AGBL4: variants seen among roughly 807,000 people sequenced by gnomAD.
The protein encoded by AGBL4 is AGBL carboxypeptidase 4, also known as cytosolic carboxypeptidase 6.
Under a neutral mutation model 66.4 loss-of-function variants are expected in AGBL4, and 58 were observed. That is an observed-to-expected ratio of 0.87 (90% CI 0.71 to 1.09). The LOEUF is 1.09. Ranked by LOEUF, AGBL4 falls within the 50% of genes least tolerant of loss-of-function variation. The pLI is 0.00. For missense variants in AGBL4, 579 were observed against 631.0 expected, an observed-to-expected ratio of 0.92 and a Z score of 0.88; for synonymous variants, 234 against 222.9, an observed-to-expected ratio of 1.05 and a Z score of -0.44.
intron 3 of AGBL4, among the ~76,000 whole-genome samples, chr1:49,252,351 G>T (rs1177472611): frequency 6.6e-6 from 1 of 151,852 alleles, no homozygotes; most frequent in African/African-American, 2.4e-5. Context: ...AGGCGGACAA[G>T]AATAGAGAAA....
chr1:49,635,453 A>C (rs1645653286), intron 3 of AGBL4, among the ~76,000 whole-genome samples: 1 of 152,100 alleles, frequency 6.6e-6, no homozygotes, highest in African/African-American at 2.4e-5. Flanking sequence ...TTAAAGAATA[A>C]AAAACAAGCC....
At chr1:49,274,034 T>C (rs1381610973) in intron 3 of AGBL4, among the ~76,000 whole-genome samples, 1 of 152,142 alleles carries the variant, frequency 6.6e-6, no homozygotes, top group Non-Finnish European at 1.5e-5. Flanking sequence ...GAGAGACAGA[T>C]TTAGTTTGCC....
intron 2 of AGBL4, among the ~76,000 whole-genome samples, chr1:49,765,132 A>AC (rs1486887843): frequency 6.6e-6 from 1 of 151,518 alleles, no homozygotes; most frequent in East Asian, 1.9e-4. Context: ...GTGTCCCTCC[A>AC]CCCCCCATGG....
chr1:48,592,046 T>C (rs1033732512), intron 9 of AGBL4, among the ~76,000 whole-genome samples: 6 of 152,208 alleles, frequency 3.9e-5, no homozygotes, highest in Non-Finnish European at 7.3e-5. Flanking sequence ...GATCTTCAAT[T>C]GCCCTCAAAT....
chr1:49,951,952 C>T (rs900941182), intron 1 of AGBL4, among the ~76,000 whole-genome samples: 3 of 151,082 alleles, frequency 2.0e-5, no homozygotes, highest in African/African-American at 4.9e-5. Context: ...AAGGAAGAAG[C>T]GAGGGAAGGA....
chr1:49,875,454 A>G (rs201753225), intron 1 of AGBL4, among the ~76,000 whole-genome samples: 1 of 141,326 alleles, frequency 7.1e-6, no homozygotes, highest in East Asian at 2.1e-4. Flanking sequence ...ATGGTTTCCA[A>G]TTTCATCCAT....
chr1:48,881,951 CA>C (rs2148843840), intron 5 of AGBL4, among the ~76,000 whole-genome samples: 1 of 152,280 alleles, frequency 6.6e-6, no homozygotes, highest in South Asian at 2.1e-4. Context: ...GCCTCATGTT[CA>C]AAAGGAGTTC....
chr1:49,263,370 A>T (rs1207187522), intron 3 of AGBL4, among the ~76,000 whole-genome samples: 6 of 151,990 alleles, frequency 3.9e-5, no homozygotes, highest in African/African-American at 7.3e-5. Flanking sequence ...AAAAAAAGAT[A>T]AAAAAATAGA....
chr1:49,662,017 A>C (rs1485645443), intron 3 of AGBL4, among the ~76,000 whole-genome samples: 1 of 152,010 alleles, frequency 6.6e-6, no homozygotes, highest in Non-Finnish European at 1.5e-5. Flanking sequence ...GTAACAACAA[A>C]AATAAATCTC....
intron 4 of AGBL4, among the ~76,000 whole-genome samples, chr1:49,081,722 A>G (rs979865572): frequency 2.0e-5 from 3 of 152,144 alleles, no homozygotes; most frequent in Non-Finnish European, 4.4e-5. Context: ...CCATCCCCCA[A>G]ATGTGTTTTT....
chr1:49,913,247 C>A (rs1351989955), intron 1 of AGBL4, among the ~76,000 whole-genome samples: 2 of 152,168 alleles, frequency 1.3e-5, no homozygotes, highest in African/African-American at 4.8e-5. Flanking sequence ...CAAATCGAAG[C>A]AAGTTATCTA....
chr1:49,742,634 C>T (rs1361600797), intron 2 of AGBL4, among the ~76,000 whole-genome samples: 6 of 152,138 alleles, frequency 3.9e-5, no homozygotes, highest in African/African-American at 1.4e-4. Context: ...AAGCATCACG[C>T]TACCTGACTT....
At chr1:49,115,074 A>G (rs1220645105) in intron 4 of AGBL4, among the ~76,000 whole-genome samples, 1 of 152,214 alleles carries the variant, frequency 6.6e-6, no homozygotes, top group Non-Finnish European at 1.5e-5. Flanking sequence ...AAATAAAAAC[A>G]AAAAACCAAC....
At chr1:49,407,065 CAAAAAAAAAAAAAAAA>C (rs57974289) in intron 3 of AGBL4, among the ~76,000 whole-genome samples, 80 of 25,928 alleles carry the variant, frequency 3.1e-3, no homozygotes, top group African/African-American at 9.1e-3. Context: ...ACTCTGCCTC[CAAAAAAAAAAAAAAAA>C]AAAAAAAAAA....
chr1:49,968,898 C>T (rs1657805703), intron 1 of AGBL4, among the ~76,000 whole-genome samples: 1 of 152,206 alleles, frequency 6.6e-6, no homozygotes, highest in South Asian at 2.1e-4. Flanking sequence ...TAACTCTAGA[C>T]TTCTTTTACA....
chr1:49,266,847 G>A (rs556230265), intron 3 of AGBL4, among the ~76,000 whole-genome samples: 124 of 152,280 alleles, frequency 8.1e-4, no homozygotes, highest in African/African-American at 2.9e-3. Flanking sequence ...AACTTTCACT[G>A]AAAGCAATAT....
intron 1 of AGBL4, among the ~76,000 whole-genome samples, chr1:49,951,170 TTAATAA>T (rs1656127159): frequency 6.6e-6 from 1 of 151,734 alleles, no homozygotes; most frequent in South Asian, 2.1e-4. Context: ...GTGACTATAG[TTAATAA>T]TAATGTATTG....
chr1:48,532,453 G>A (rs1005858734), downstream of AGBL4, among the ~76,000 whole-genome samples: 5 of 152,152 alleles, frequency 3.3e-5, no homozygotes, highest in Non-Finnish European at 4.4e-5. Flanking sequence ...CCTGCTGTTT[G>A]TGTAGTCTAT....
chr1:48,763,524 G>A (rs890949603), intron 6 of AGBL4, among the ~76,000 whole-genome samples: 1 of 152,078 alleles, frequency 6.6e-6, no homozygotes, highest in Non-Finnish European at 1.5e-5. Flanking sequence ...GAGAAAGAGA[G>A]AGAGACGATG....
Sources: allele counts gnomAD v4.1 joint callset (sites outside exome capture counted in the v4.1 genomes callset), GRCh38; gene constraint gnomAD v4.1.1; transcripts MANE v1.5; gene names NCBI Gene and HGNC (gene_info 2026-07-23, HGNC 2026-07-21).